The following DUT variants were observed in gnomAD, a reference collection of about 807,000 sequenced individuals.
DUT encodes deoxyuridine 5'-triphosphate nucleotidohydrolase, mitochondrial.
DUT carries 21 observed loss-of-function variants against 28.8 expected under a neutral mutation model. That is an observed-to-expected ratio of 0.73 (90% CI 0.52 to 1.05). DUT has a LOEUF of 1.05. DUT is among the 50% of genes least tolerant of loss of function. DUT has a pLI of 0.00. For missense variants in DUT, 344 were observed against 351.8 expected (o/e 0.98, Z 0.18); for synonymous variants, 147 against 143.7 (o/e 1.02, Z -0.17).
At chr15:48,331,858 G>A (rs939169014) in intron 1 of DUT, 63 bp downstream of exon 1, 2 of 1,248,834 alleles carry the variant, frequency 1.6e-6, no homozygotes, top group East Asian at 3.2e-5. Context: ...TGAGGCTGTG[G>A]GGGAAGTAGG....
At chr15:48,331,913 TG>T in intron 1 of DUT, 118 bp downstream of exon 1, 1 of 260,526 alleles carries the variant, frequency 3.8e-6, no homozygotes, top group Non-Finnish European at 6.8e-6. Context: ...GGGGGTGGGG[TG>T]GTCCATTAGG....
In DUT at chr15:48,342,040, AG is replaced by A. The variant is rs1362441912; in HGVS notation, c.725del (p.Gly242ValfsTer27). The A allele has an allele frequency of 1.3e-6, 2 of 1,583,606 alleles. No individual in the cohort carries two copies. Among genetic ancestry groups the A allele is most frequent in the Non-Finnish European group, 1.7e-6 (2 of 1,168,870 alleles). ...EEVQALDDTE[R>X]GSGGFGSTGK... ...CTTTCAGGCCTTGGATGACACCGAA[AG>A]GGGTTCAGGAGGTTTTGGTTCCACT... On this transcript the variant is annotated frameshift_variant, in exon 7 of 7. Transcript: ENST00000331200. LOFTEE classifies it high-confidence loss of function.
At chr15:48,336,836 G>A (rs2042481633) in intron 4 of DUT, among the ~76,000 whole-genome samples, 1 of 152,128 alleles carries the variant, frequency 6.6e-6, no homozygotes, top group African/African-American at 2.4e-5. Flanking sequence ...GCTTTATGGA[G>A]GCTTGTTAAC....
At chr15:48,331,985 C>G (rs1341694174) in intron 1 of DUT, 190 bp downstream of exon 1, 14 of 885,208 alleles carry the variant, frequency 1.6e-5, no homozygotes, top group Non-Finnish European at 2.2e-5. Flanking sequence ...AGCTCCCCTT[C>G]AAAGTTGGCC....
chr15:48,340,909 G>C (rs1324384235), intron 4 of DUT, among the ~76,000 whole-genome samples: 1 of 152,082 alleles, frequency 6.6e-6, no homozygotes, highest in Non-Finnish European at 1.5e-5. Context: ...TTTCAATCTG[G>C]GTATTAGCGG....
rs1382507474 is a variant in DUT, at chr15:48,343,292, TAGCC to T, written c.*1218_*1221del. 1 of 152,220 alleles carries T rather than the reference TAGCC, an allele frequency of 6.6e-6. No individual in the cohort carries two copies. Among genetic ancestry groups the T allele is most frequent in the African/African-American group, 2.4e-5 (1 of 41,466 alleles). 9.4% of individuals were successfully genotyped at this position (152,220 alleles called of 1,614,324 possible). On this transcript the variant is annotated 3_prime_UTR_variant, in exon 7 of 7. Coordinates refer to ENST00000331200, the MANE Select transcript of DUT (RefSeq NM_001025248.2). Reference sequence around the variant, plus strand: ...GCCATGAAATCAACTCAGTGGGACATAGCCAGCATTTTTGCATACCAGGTTGGGC... The same window carrying T: ...GCCATGAAATCAACTCAGTGGGACATAGCATTTTTGCATACCAGGTTGGGC...
rs1274311002 is a variant in DUT, at chr15:48,342,307, G to A, written c.*229G>A. ...GATCAAAAAGAAACTTTGTTTTTCCGCAATTGAAGGTTGTATGTAAATCTG... is the reference window on the plus strand; with the variant it reads ...GATCAAAAAGAAACTTTGTTTTTCCACAATTGAAGGTTGTATGTAAATCTG... On this transcript the variant is annotated 3_prime_UTR_variant, in exon 7 of 7. Transcript: ENST00000331200. The A allele has an allele frequency of 2.4e-5, 7 of 288,652 alleles. No individual in the cohort carries two copies. In the East Asian group the frequency reaches 2.5e-4, roughly 10 times the overall value. The allele number at this position is 288,652 out of a possible 1,614,324, so 17.9% of individuals were successfully genotyped here.
intron 4 of DUT, 39 bp downstream of exon 4, chr15:48,336,129 G>A: frequency 6.7e-7 from 1 of 1,503,124 alleles, no homozygotes; most frequent in Non-Finnish European, 9.0e-7. Context: ...ATGTTTGCAA[G>A]TATTTACTTT....
At chr15:48,335,959 G>T in intron 3 of DUT, 87 bp from the exon 4 acceptor site, 1 of 1,008,794 alleles carries the variant, frequency 9.9e-7, no homozygotes, top group East Asian at 2.5e-5. Flanking sequence ...TATAGGTGAA[G>T]AGAATGACAT....
At chr15:48,333,815 T>C (rs2042445534) in intron 2 of DUT, among the ~76,000 whole-genome samples, 1 of 152,230 alleles carries the variant, frequency 6.6e-6, no homozygotes, top group Admixed American at 6.5e-5. Flanking sequence ...GCCTGACAGA[T>C]ACAACACAGT....
At chr15:48,339,231 A>T (rs774718993) in intron 4 of DUT, among the ~76,000 whole-genome samples, 4 of 152,212 alleles carry the variant, frequency 2.6e-5, no homozygotes, top group Non-Finnish European at 5.9e-5. Flanking sequence ...ATAAAGTAGT[A>T]TGTAAGATAT....
chr15:48,341,540 G>T lies in DUT; in HGVS notation c.657G>T (p.Gln219His), dbSNP rs1167350847. Residue 219 changes from glutamine (Q) to histidine (H), a missense_variant, in exon 6 of 7, where the codon CAG (glutamine) becomes CAT (histidine). Coordinates refer to ENST00000331200, the MANE Select transcript of DUT (RefSeq NM_001025248.2). ...FEVKKGDRIA[Q>H]LICERIFYPE... The stretch of plus-strand genomic sequence containing the variant: ...TCAAAAAAGGTGATCGAATTGCACA[G>T]CTCATTTGCGAACGGATTTTTTATC... 3.1e-6 allele frequency: 5 copies of T among 1,612,962 alleles called. No homozygotes were observed. The highest frequency in any genetic ancestry group is 1.3e-5 in the African/African-American group (1 of 74,868).
chr15:48,332,636 G>A, intron 2 of DUT: 1 of 690,692 alleles, frequency 1.4e-6, no homozygotes. Flanking sequence ...GCGTTACTTT[G>A]CAACGTTTAT....
intron 4 of DUT, among the ~76,000 whole-genome samples, chr15:48,338,101 A>G (rs1205856081): frequency 6.6e-6 from 1 of 152,090 alleles, no homozygotes; most frequent in Admixed American, 6.6e-5. Context: ...TATATCCTGT[A>G]GGCAGAGAAG....
intron 1 of DUT, 39 bp downstream of exon 1, chr15:48,331,834 G>A: frequency 9.0e-7 from 1 of 1,115,026 alleles, no homozygotes; most frequent in Non-Finnish European, 1.1e-6. Context: ...CGTCTGGAAG[G>A]AATCCACGCG....
intron 4 of DUT, among the ~76,000 whole-genome samples, chr15:48,338,879 G>A (rs549471340): frequency 6.6e-6 from 1 of 152,224 alleles, no homozygotes; most frequent in Admixed American, 6.5e-5. Flanking sequence ...GCTCATGCCT[G>A]TAATCCCAGC....
chr15:48,335,665 G>T (rs1451145010), intron 3 of DUT, among the ~76,000 whole-genome samples: 1 of 152,074 alleles, frequency 6.6e-6, no homozygotes, highest in African/African-American at 2.4e-5. Context: ...GTTCCTGCTG[G>T]CCATACTTCT....
chr15:48,331,197 T>G (rs1254693434), upstream of DUT: 1 of 1,518,796 alleles, frequency 6.6e-7, no homozygotes, highest in South Asian at 1.2e-5. Context: ...CCCAGGTAAA[T>G]CAGTCCAGGA....
Position 48,341,992 on chromosome 15 carries a change from T to C in DUT, c.703-30T>C, listed in dbSNP as rs764369536. ...ACTGAAAGAGGCTCTTAAAAAAAAC[T>C]GTGAAGCTTACTACCTTTCTATCTT... On this transcript the variant is annotated intron_variant, in intron 6 of 6. Coordinates refer to ENST00000331200, the MANE Select transcript of DUT (RefSeq NM_001025248.2). 8.3e-5 allele frequency: 128 copies of C among 1,548,090 alleles called. 1 individual carries two copies. The highest frequency in any genetic ancestry group is 7.8e-4 in the Admixed American group (36 of 46,090).
Sources: allele counts gnomAD v4.1 joint callset (sites outside exome capture counted in the v4.1 genomes callset), GRCh38; gene constraint gnomAD v4.1.1; transcripts MANE v1.5; gene names NCBI Gene and HGNC (gene_info 2026-07-23, HGNC 2026-07-21).